Variants in NRG1 observed in about 807,000 individuals in gnomAD.
NRG1 encodes neuregulin 1, also known as pro-neuregulin-1, membrane-bound isoform.
In NRG1, 18 loss-of-function variants were observed where a neutral mutation model predicts 63.8. The observed-to-expected ratio is 0.28, with a 90% CI of 0.19 to 0.42. The LOEUF (loss-of-function observed/expected upper bound fraction) is 0.42, where lower values mean the gene tolerates loss of function less well. Among genes scored for constraint, NRG1 ranks in the 10% least tolerant of loss-of-function variants. The pLI, the probability that NRG1 is intolerant of heterozygous loss-of-function variation, is 1.00. For synonymous variants in NRG1, 302 were observed against 301.3 expected (o/e 1.00, Z -0.02); for missense variants, 762 against 814.7 (o/e 0.94, Z 0.79).
intron 1 of NRG1, among the ~76,000 whole-genome samples, chr8:32,086,071 G>A (rs534483592): frequency 6.6e-6 from 1 of 152,268 alleles, no homozygotes; most frequent in East Asian, 1.9e-4. Flanking sequence ...AGAGTCACAA[G>A]GGTTCTGTGA....
intron 1 of NRG1, among the ~76,000 whole-genome samples, chr8:31,996,174 C>T (rs535758983): frequency 2.6e-5 from 4 of 151,762 alleles, no homozygotes; most frequent in Admixed American, 2.0e-4. Context: ...TTTCTTTTAT[C>T]TTAGGAATCT....
intron 1 of NRG1, among the ~76,000 whole-genome samples, chr8:32,272,522 C>G (rs185090165): frequency 4.5e-4 from 69 of 152,268 alleles, no homozygotes; most frequent in Non-Finnish European, 9.6e-4. Flanking sequence ...CCTTGCCAGT[C>G]TCAGAAAACA....
At chr8:31,997,013 G>C (rs1812096810) in intron 1 of NRG1, among the ~76,000 whole-genome samples, 1 of 151,844 alleles carries the variant, frequency 6.6e-6, no homozygotes, top group Admixed American at 6.6e-5. Flanking sequence ...AAACACAATA[G>C]TTATTAAGGC....
chr8:31,858,216 G>A (rs779672514), intron 1 of NRG1, among the ~76,000 whole-genome samples: 59 of 151,924 alleles, frequency 3.9e-4, no homozygotes, highest in Admixed American at 1.1e-3. Context: ...GGAGAATGGC[G>A]TGAAACTGGG....
intron 5 of NRG1, among the ~76,000 whole-genome samples, chr8:32,639,970 G>T (rs1852025262): frequency 6.6e-6 from 1 of 152,054 alleles, no homozygotes; most frequent in Non-Finnish European, 1.5e-5. Flanking sequence ...TTGCACATTG[G>T]ATATGTACAT....
chr8:32,592,082 T>C (rs756577104), intron 1 of NRG1, among the ~76,000 whole-genome samples: 14 of 148,740 alleles, frequency 9.4e-5, no homozygotes, highest in Admixed American at 1.3e-4. Flanking sequence ...AGGCAGAAAA[T>C]CAGAGACAGA....
chr8:32,130,752 T>A (rs1029267768), intron 1 of NRG1, among the ~76,000 whole-genome samples: 3 of 151,974 alleles, frequency 2.0e-5, no homozygotes, highest in Admixed American at 6.6e-5. Flanking sequence ...TACTTAGAGT[T>A]TCAGATTCAT....
chr8:31,738,871 G>A (rs565078133), intron 1 of NRG1, among the ~76,000 whole-genome samples: 7 of 152,066 alleles, frequency 4.6e-5, no homozygotes, highest in Non-Finnish European at 1.0e-4. Flanking sequence ...CAGCCAAATT[G>A]GATTAAGGGT....
At chr8:32,443,637 C>T (rs368707013) in intron 1 of NRG1, among the ~76,000 whole-genome samples, 2 of 152,304 alleles carry the variant, frequency 1.3e-5, no homozygotes, top group East Asian at 3.9e-4. Flanking sequence ...TGAACACAAA[C>T]TCCTAGTAAG....
chr8:32,430,185 G>A (rs1008548563), intron 1 of NRG1, among the ~76,000 whole-genome samples: 2 of 152,220 alleles, frequency 1.3e-5, no homozygotes, highest in South Asian at 2.1e-4. Context: ...GATCACCTAA[G>A]GCCAAATTCC....
At chr8:31,686,392 T>C (rs1185388629) in intron 1 of NRG1, among the ~76,000 whole-genome samples, 1 of 152,192 alleles carries the variant, frequency 6.6e-6, no homozygotes, top group African/African-American at 2.4e-5. Context: ...TGGAATCTTC[T>C]TCCTGAACTG....
chr8:32,558,543 G>A (rs1208929901), intron 1 of NRG1, among the ~76,000 whole-genome samples: 1 of 152,134 alleles, frequency 6.6e-6, no homozygotes, highest in Non-Finnish European at 1.5e-5. Context: ...CCATCTAACA[G>A]GGACCTGCAT....
intron 1 of NRG1, among the ~76,000 whole-genome samples, chr8:32,100,092 A>G (rs1830379061): frequency 1.3e-5 from 2 of 151,270 alleles, no homozygotes; most frequent in South Asian, 4.2e-4. Flanking sequence ...CTCCCTCTTT[A>G]TTCCTCCCCT....
chr8:32,421,049 T>A (rs1046954437), intron 1 of NRG1, among the ~76,000 whole-genome samples: 2 of 152,198 alleles, frequency 1.3e-5, no homozygotes, highest in Non-Finnish European at 2.9e-5. Flanking sequence ...TCCCCAGCAG[T>A]GTGAAACTGT....
chr8:32,305,853 T>C (rs868495659), intron 1 of NRG1, among the ~76,000 whole-genome samples: 4 of 152,222 alleles, frequency 2.6e-5, no homozygotes, highest in East Asian at 1.9e-4. Flanking sequence ...CAGTGTGTAA[T>C]GGATAAAGAC....
chr8:32,366,505 A>C (rs1414847441), intron 1 of NRG1, among the ~76,000 whole-genome samples: 1 of 151,904 alleles, frequency 6.6e-6, no homozygotes, highest in Non-Finnish European at 1.5e-5. Context: ...AGTTCCATTC[A>C]TGTTGATGCA....
At chr8:32,236,287 A>T (rs895814252) in intron 1 of NRG1, among the ~76,000 whole-genome samples, 6 of 152,102 alleles carry the variant, frequency 3.9e-5, no homozygotes, top group Non-Finnish European at 4.4e-5. Flanking sequence ...TGGGGGGGAA[A>T]ATCAAATTAT....
At chr8:31,771,690 A>G (rs1818642631) in intron 1 of NRG1, among the ~76,000 whole-genome samples, 1 of 152,172 alleles carries the variant, frequency 6.6e-6, no homozygotes, top group South Asian at 2.1e-4. Context: ...CCAAGTTCTA[A>G]AAAACCCACA....
At chr8:31,760,039 G>C (rs1563368711) in intron 1 of NRG1, among the ~76,000 whole-genome samples, 1 of 152,042 alleles carries the variant, frequency 6.6e-6, no homozygotes, top group Non-Finnish European at 1.5e-5. Flanking sequence ...TTCCTCCTCT[G>C]ATATCCTGAA....
Sources: gnomAD v4.1 joint callset for allele counts (sites outside exome capture counted in the v4.1 genomes callset) on GRCh38, gnomAD v4.1.1 for gene constraint, MANE v1.5 for transcripts, NCBI Gene and HGNC (gene_info 2026-07-23, HGNC 2026-07-21) for gene names.